The following ALLC variants were observed in gnomAD, a reference collection of about 807,000 sequenced individuals.
ALLC encodes allantoicase, also known as probable inactive allantoicase.
A neutral mutation model predicts 45.0 loss-of-function variants in ALLC; 40 were observed. The ratio of observed to expected loss-of-function variants is 0.89; its 90% CI spans 0.69 to 1.16. ALLC has a LOEUF of 1.16. ALLC is among the 50% of genes most tolerant of loss of function. ALLC has a pLI of 0.00. For synonymous variants in ALLC, 176 were observed against 178.1 expected (o/e 0.99, Z 0.09); for missense variants, 488 against 493.1 (o/e 0.99, Z 0.10).
chr2:3,697,481 AC>A, intron 10 of ALLC, 25 bp downstream of exon 10: 5 of 1,576,680 alleles, frequency 3.2e-6, no homozygotes, highest in Non-Finnish European at 4.4e-6. Flanking sequence ...ATAAAGAAGT[AC>A]CCTATAATTG....
chr2:3,677,614 G>A (rs897191757), intron 3 of ALLC, among the ~76,000 whole-genome samples: 3 of 152,164 alleles, frequency 2.0e-5, no homozygotes, highest in South Asian at 2.1e-4. Context: ...CGTTGGCCAC[G>A]GGTCCCCTGC....
At chr2:3,683,634 G>A (rs1468912991) in intron 7 of ALLC, among the ~76,000 whole-genome samples, 1 of 152,090 alleles carries the variant, frequency 6.6e-6, no homozygotes, top group African/African-American at 2.4e-5. Flanking sequence ...CATATAAGTA[G>A]GAATTATATA....
chr2:3,672,297 G>A (rs1357226488), intron 2 of ALLC, among the ~76,000 whole-genome samples: 7 of 110,600 alleles, frequency 6.3e-5, no homozygotes, highest in South Asian at 3.0e-4. Flanking sequence ...CTCTGGCTCT[G>A]GTTAGATCGG....
At chr2:3,671,797 G>A (rs1666881057) in intron 2 of ALLC, among the ~76,000 whole-genome samples, 1 of 143,514 alleles carries the variant, frequency 7.0e-6, no homozygotes, top group South Asian at 2.2e-4. Flanking sequence ...GAGGTCCTCT[G>A]GCTCTGGTTA....
At chr2:3,645,872 CG>C in the ALLC span, among the ~76,000 whole-genome samples, 1 of 151,660 alleles carries the variant, frequency 6.6e-6, no homozygotes, top group African/African-American at 2.4e-5. This position sits in a 1 kb window ranked among gnomAD's most constrained non-coding sequence, Gnocchi z 4.3. Context: ...TGTTGTGGGG[CG>C]AGAGGGAGCT....
chr2:3,650,724 A>C, the ALLC span, among the ~76,000 whole-genome samples: 1 of 150,970 alleles, frequency 6.6e-6, no homozygotes, highest in African/African-American at 2.4e-5. Context: ...CCTCCACACT[A>C]CCCCTCCCAT....
chr2:3,676,334 G>T (rs1184044138), intron 3 of ALLC, among the ~76,000 whole-genome samples: 4 of 152,230 alleles, frequency 2.6e-5, no homozygotes, highest in Non-Finnish European at 4.4e-5. Context: ...TCAGGCTGGG[G>T]TGCAGTGGCA....
At chr2:3,696,852 C>G (rs1178690389) in intron 9 of ALLC, among the ~76,000 whole-genome samples, 3 of 152,164 alleles carry the variant, frequency 2.0e-5, no homozygotes, top group Non-Finnish European at 4.4e-5. Flanking sequence ...ATTTGCAAAT[C>G]CCACCAAAAA....
chr2:3,696,217 A>C, intron 8 of ALLC, 58 bp from the exon 9 acceptor site: 4 of 1,333,716 alleles, frequency 3.0e-6, no homozygotes, highest in Non-Finnish European at 4.3e-6. Flanking sequence ...ACAGCAATGT[A>C]TTCATCCTCA....
chr2:3,647,201 C>T, the ALLC span, among the ~76,000 whole-genome samples: 22 of 152,120 alleles, frequency 1.4e-4, no homozygotes, highest in African/African-American at 2.2e-4. Flanking sequence ...ATATGTTCAA[C>T]GCGACACACA....
chr2:3,660,508 G>A (rs1666546029), intron 1 of ALLC, among the ~76,000 whole-genome samples: 2 of 152,086 alleles, frequency 1.3e-5, no homozygotes, highest in Admixed American at 1.3e-4. Context: ...TAAAGTTTCG[G>A]TGCCGCCAAA....
intron 1 of ALLC, among the ~76,000 whole-genome samples, chr2:3,661,919 C>T (rs967564605): frequency 2.0e-5 from 3 of 152,194 alleles, no homozygotes; most frequent in Non-Finnish European, 4.4e-5. Context: ...GGTTCCCCCT[C>T]AGAGGCTCTG....
At chr2:3,674,218 A>G in intron 3 of ALLC, 93 bp downstream of exon 3, 1 of 976,120 alleles carries the variant, frequency 1.0e-6, no homozygotes, top group Non-Finnish European at 1.6e-6. Flanking sequence ...TTTGGGATGG[A>G]GTCATGTGAT....
intron 4 of ALLC, among the ~76,000 whole-genome samples, chr2:3,678,829 G>A (rs1461185365): frequency 1.3e-5 from 2 of 152,178 alleles, no homozygotes; most frequent in Non-Finnish European, 2.9e-5. Context: ...AAAAAGAGTG[G>A]ATTCTCACTG....
chr2:3,683,188 A>G, intron 7 of ALLC, 114 bp downstream of exon 7: 1 of 1,180,690 alleles, frequency 8.5e-7, no homozygotes. Flanking sequence ...TCTCTCTAGC[A>G]TTTCAGGATT....
intron 2 of ALLC, among the ~76,000 whole-genome samples, chr2:3,671,933 A>G (rs1158399788): frequency 6.4e-5 from 6 of 93,940 alleles, no homozygotes; most frequent in South Asian, 3.7e-4. Context: ...CTCTGGCTCT[A>G]TTTAGATCCG....
At position 3,702,384 on chromosome 2, in the gene ALLC, C is replaced by G; in HGVS notation, c.997C>G (p.Leu333Val). The G allele has an allele frequency of 6.2e-7, 1 of 1,613,298 alleles. No individual in the cohort carries two copies. The highest frequency in any genetic ancestry group is 8.5e-7 in the Non-Finnish European group (1 of 1,179,798). The change falls in exon 12 of 12, where the codon CTG becomes GTG. Residue 333 changes from leucine (L) to valine (V), a missense_variant. Coordinates refer to ENST00000252505, the MANE Select transcript of ALLC (RefSeq NM_018436.4). Reference sequence around the variant, plus strand: ...TCAGTTGTCTCCCAACCAAAGTCATCTGTTCGATAGCCTGACCCTAGAGCT... The same window carrying G: ...TCAGTTGTCTCCCAACCAAAGTCATGTGTTCGATAGCCTGACCCTAGAGCT... ...VTKLSPNQSHLFDSLTLELQD... is the reference protein window; with the variant it reads ...VTKLSPNQSHVFDSLTLELQD...
chr2:3,679,913 C>G lies in ALLC; in HGVS notation c.217C>G (p.Arg73Gly). Residue 73 changes from arginine (R) to glycine (G), a missense_variant, in exon 5 of 12, where the codon CGG (arginine) becomes GGG (glycine). Coordinates refer to ENST00000252505, the MANE Select transcript of ALLC (RefSeq NM_018436.4). ...VLRLGIQGVIRGFDVDVSYFT... is the reference protein window; with the variant it reads ...VLRLGIQGVIGGFDVDVSYFT... ...CAGGCTGGGGATCCAAGGAGTCATC[C>G]GGGGCTTCGACGTGGACGTTTCTTA... 1.2e-6 allele frequency: 2 copies of G among 1,613,944 alleles called. No homozygotes were observed. The highest frequency in any genetic ancestry group is 1.7e-6 in the Non-Finnish European group (2 of 1,179,880).
At chr2:3,665,243 A>C in intron 1 of ALLC, among the ~76,000 whole-genome samples, 1 of 151,732 alleles carries the variant, frequency 6.6e-6, no homozygotes, top group East Asian at 1.9e-4. Context: ...TCCCAAAGAG[A>C]AACATTTCCA....
Sources: gnomAD v4.1 joint callset for allele counts (sites outside exome capture counted in the v4.1 genomes callset) on GRCh38, gnomAD v4.1.1 for gene constraint, Gnocchi (gnomAD v3.1) non-coding constraint, MANE v1.5 for transcripts, NCBI Gene and HGNC (gene_info 2026-07-23, HGNC 2026-07-21) for gene names.